KCNK9: variants seen among roughly 807,000 people sequenced by gnomAD.
KCNK9 encodes potassium channel subfamily K member 9.
KCNK9 carries 1 observed loss-of-function variant against 10.8 expected under a neutral mutation model. The observed-to-expected ratio is 0.09, with a 90% confidence interval of 0.03 to 0.44. The LOEUF (loss-of-function observed/expected upper bound fraction) is 0.44. Ranked by LOEUF, KCNK9 falls within the 20% of genes least tolerant of loss-of-function variation. KCNK9 has a pLI of 0.97. For missense variants in KCNK9, 303 were observed against 515.0 expected (o/e 0.59, Z 3.98); for synonymous variants, 231 against 222.7 (o/e 1.04, Z -0.33).
intron 1 of KCNK9, among the ~76,000 whole-genome samples, chr8:139,648,912 C>A (rs1035070760): frequency 9.2e-5 from 14 of 152,222 alleles, no homozygotes; most frequent in African/African-American, 3.4e-4. Flanking sequence ...TACATTTTCC[C>A]TGTGACAGGT....
At chr8:139,687,008 T>A (rs1816803711) in intron 1 of KCNK9, among the ~76,000 whole-genome samples, 1 of 152,006 alleles carries the variant, frequency 6.6e-6, no homozygotes, top group Non-Finnish European at 1.5e-5. Flanking sequence ...ACCTAAAGAA[T>A]GCAAAGTAAG....
At chr8:139,640,496 G>T (rs1412708618) in intron 1 of KCNK9, among the ~76,000 whole-genome samples, 1 of 152,154 alleles carries the variant, frequency 6.6e-6, no homozygotes, top group Non-Finnish European at 1.5e-5. Context: ...GATTGGGTTG[G>T]GGTCCTCGCT....
At chr8:139,606,292 G>T (rs1483128334) in intron 2 of KCNK9, among the ~76,000 whole-genome samples, 3 of 152,118 alleles carry the variant, frequency 2.0e-5, no homozygotes, top group East Asian at 3.9e-4. Flanking sequence ...GCTGTGGCAG[G>T]CCTCCGGTAG....
At chr8:139,648,851 G>A (rs2129667677) in intron 1 of KCNK9, among the ~76,000 whole-genome samples, 1 of 152,316 alleles carries the variant, frequency 6.6e-6, no homozygotes, top group Non-Finnish European at 1.5e-5. Flanking sequence ...GGGCTGGATG[G>A]GGTGTCATTC....
intron 1 of KCNK9, among the ~76,000 whole-genome samples, chr8:139,650,348 C>T (rs1331762642): frequency 6.6e-6 from 1 of 152,196 alleles, no homozygotes; most frequent in African/African-American, 2.4e-5. Context: ...CATCACATCT[C>T]ACCCTGAACA....
intron 1 of KCNK9, among the ~76,000 whole-genome samples, chr8:139,652,743 G>C (rs935130715): frequency 6.6e-6 from 1 of 152,182 alleles, no homozygotes; most frequent in Admixed American, 6.5e-5. Flanking sequence ...TAAATACACA[G>C]AGCACTGTGC....
chr8:139,690,298 T>C (rs975951715), intron 1 of KCNK9, among the ~76,000 whole-genome samples: 7 of 152,216 alleles, frequency 4.6e-5, no homozygotes, highest in African/African-American at 1.7e-4. Flanking sequence ...CATGAAAATA[T>C]CTATCTCATA....
At chr8:139,632,933 C>T (rs576351996) in intron 1 of KCNK9, among the ~76,000 whole-genome samples, 5 of 152,264 alleles carry the variant, frequency 3.3e-5, no homozygotes, top group East Asian at 1.9e-4. Context: ...AGAGCAAAGA[C>T]GTACAGACAG....
chr8:139,618,296 C>T lies in KCNK9; in HGVS notation c.1087G>A (p.Asp363Asn), dbSNP rs996007406. ...CGGCGTTTCATCAGCCTCTGGTGGTCGGTAAAGCTGTGTAACCCAGGAGAG... is the reference window on the plus strand; with the variant it reads ...CGGCGTTTCATCAGCCTCTGGTGGTTGGTAAAGCTGTGTAACCCAGGAGAG... ...SISPGLHSFTDHQRLMKRRKS... is the reference protein window; with the variant it reads ...SISPGLHSFTNHQRLMKRRKS... Residue 363 changes from aspartate to asparagine, a missense_variant, in exon 2 of 2, where the codon GAC (aspartate) becomes AAC (asparagine). By Grantham distance (23) the Asp-to-Asn change is conservative (BLOSUM62 1). Transcript: ENST00000520439. The surrounding 1 kb of genome is among the most constrained non-coding windows in gnomAD (Gnocchi z 7.9). The T allele has an allele frequency of 1.9e-6, 3 of 1,613,982 alleles. No homozygotes were observed. Among genetic ancestry groups the T allele is most frequent in the Non-Finnish European group, 2.5e-6 (3 of 1,180,040 alleles).
chr8:139,687,474 A>G lies in KCNK9; in HGVS notation c.283+15236T>C. 1.4e-5 allele frequency among the ~76,000 whole-genome samples: 2 copies of G among 142,594 alleles called. 1 individual carries two copies. Among genetic ancestry groups the G allele is most frequent in the Non-Finnish European group, 3.0e-5 (2 of 65,884 alleles). The allele number at this position is 142,594 out of a possible 152,430, so 93.5% of individuals were successfully genotyped here. On this transcript the variant is annotated intron_variant, in intron 1 of 1. Coordinates refer to ENST00000520439, the MANE Select transcript of KCNK9 (RefSeq NM_001282534.2). ...CACATATATATTCATATATTCATATATATGTATACATATATACACATATAT... is the reference window on the plus strand; with the variant it reads ...CACATATATATTCATATATTCATATGTATGTATACATATATACACATATAT...
chr8:139,688,563 G>A (rs1816869900), intron 1 of KCNK9, among the ~76,000 whole-genome samples: 2 of 152,126 alleles, frequency 1.3e-5, no homozygotes, highest in Non-Finnish European at 2.9e-5. Flanking sequence ...GGGATTACAG[G>A]TCTCTCCCTC....
chr8:139,650,563 A>G (rs755522725), intron 1 of KCNK9, among the ~76,000 whole-genome samples: 18 of 151,858 alleles, frequency 1.2e-4, no homozygotes, highest in Admixed American at 5.2e-4. Flanking sequence ...GAGGAAGTAG[A>G]CCCCAAGGAT....
At chr8:139,646,385 T>A (rs906057829) in intron 1 of KCNK9, among the ~76,000 whole-genome samples, 1 of 152,238 alleles carries the variant, frequency 6.6e-6, no homozygotes, top group Non-Finnish European at 1.5e-5. Flanking sequence ...CACGGGCAGA[T>A]GACAGTCAGC....
Position 139,618,476 on chromosome 8 carries a change from G to A in KCNK9, c.907C>T (p.Arg303Cys), listed in dbSNP as rs775502608. ...GAGCGGCCGCCATAGTCCTGCGAGC[G>A]GTAGCAGGTGCAGGAGCACACAGAC... is the stretch of plus-strand genomic sequence containing the variant. ...LQSVCSCTCY[R>C]SQDYGGRSVA... The change falls in exon 2 of 2, where the codon CGC becomes TGC. Residue 303 changes from arginine to cysteine, a missense_variant. This residue lies in a region of KCNK9 where 138 missense variants were observed against 161.1 expected (regional missense o/e 0.86). Coordinates refer to ENST00000520439, the MANE Select transcript of KCNK9 (RefSeq NM_001282534.2). This position sits in a 1 kb window ranked among gnomAD's most constrained non-coding sequence, Gnocchi z 7.9. 6 of 1,613,798 alleles carry A rather than the reference G, an allele frequency of 3.7e-6. No homozygotes were observed. Among genetic ancestry groups the A allele is most frequent in the Admixed American group, 1.7e-5 (1 of 60,012 alleles).
chr8:139,602,235 G>A (rs1294011331), intron 2 of KCNK9, among the ~76,000 whole-genome samples: 2 of 152,216 alleles, frequency 1.3e-5, no homozygotes, highest in East Asian at 3.8e-4. Flanking sequence ...TGCAAAGATG[G>A]GAGGGGCTGC....
In KCNK9 at chr8:139,687,385, A is replaced by ATACATATATATTC. The variant is rs1816817991; in HGVS notation, c.283+15324_283+15325insGAATATATATGTA. Among the ~76,000 whole-genome samples the ATACATATATATTC allele has an allele frequency of 4.5e-5, 4 of 89,386 alleles. 1 individual carries two copies. The highest frequency in any genetic ancestry group is 7.2e-5 in the Non-Finnish European group (3 of 41,502). The allele number at this position is 89,386 out of a possible 152,430, so 58.6% of individuals were successfully genotyped here. A position where few individuals can be genotyped will look rare whatever the true frequency, so the allele number is the denominator to read the frequency against. ...ATATATATGTGTATACATATATATGAATATATATGTGTATACATATATATT... is the reference window on the plus strand; with the variant it reads ...ATATATATGTGTATACATATATATGATACATATATATTCATATATATGTGTATACATATATATT... On this transcript the variant is annotated intron_variant, in intron 1 of 1. Coordinates refer to ENST00000520439, the MANE Select transcript of KCNK9 (RefSeq NM_001282534.2).
chr8:139,677,655 TGCAGAGTAATACCTC>T, intron 1 of KCNK9, among the ~76,000 whole-genome samples: 1 of 150,866 alleles, frequency 6.6e-6, no homozygotes, highest in East Asian at 1.9e-4. Context: ...ACCCCAGGGC[TGCAGAGTAATACCTC>T]GAGTCCCAGC....
At chr8:139,663,362 C>T (rs1194838997) in intron 1 of KCNK9, among the ~76,000 whole-genome samples, 1 of 152,082 alleles carries the variant, frequency 6.6e-6, no homozygotes, top group Non-Finnish European at 1.5e-5. Flanking sequence ...TGGGGGACTA[C>T]AGGTGGTCAC....
At chr8:139,642,257 C>T (rs1423471446) in intron 1 of KCNK9, among the ~76,000 whole-genome samples, 1 of 152,066 alleles carries the variant, frequency 6.6e-6, no homozygotes. Context: ...TGTAGTGGCT[C>T]CTTCGAAGAC....
Sources: gnomAD v4.1 joint callset for allele counts (sites outside exome capture counted in the v4.1 genomes callset) on GRCh38, gnomAD v4.1.1 for gene constraint, gnomAD v4.1.1 regional missense constraint, Gnocchi (gnomAD v3.1) non-coding constraint, MANE v1.5 for transcripts, NCBI Gene and HGNC (gene_info 2026-07-23, HGNC 2026-07-21) for gene names.